The following ATG7 variants were observed in gnomAD, a reference collection of about 807,000 sequenced individuals.
ATG7 encodes the protein autophagy related 7, also known as ubiquitin-like modifier-activating enzyme ATG7.
In ATG7, 70 loss-of-function variants were observed where a neutral mutation model predicts 82.4. That is an observed-to-expected ratio of 0.85 (90% confidence interval 0.70 to 1.04). The LOEUF (loss-of-function observed/expected upper bound fraction) is 1.04, where lower values mean the gene tolerates loss of function less well. Among genes scored for constraint, ATG7 ranks in the 50% least tolerant of loss-of-function variants. The pLI is 0.00. For missense variants in ATG7, 792 were observed against 864.3 expected, an observed-to-expected ratio of 0.92 and a Z score of 1.05; for synonymous variants, 287 against 313.0, an observed-to-expected ratio of 0.92 and a Z score of 0.88.
At chr3:11,341,690 C>T (rs1042716934) in intron 12 of ATG7, among the ~76,000 whole-genome samples, 3 of 152,176 alleles carry the variant, frequency 2.0e-5, no homozygotes, top group South Asian at 4.2e-4. Flanking sequence ...TCAGGTGATC[C>T]GCCCGCTTTG....
intron 20 of ATG7, among the ~76,000 whole-genome samples, chr3:11,442,739 C>CCAAAAAAAAAAAAAAAAAAAAAAAAAAA (rs1553668928): frequency 1.4e-5 from 1 of 69,236 alleles, no homozygotes; most frequent in Non-Finnish European, 2.5e-5. Context: ...TCCATCTCTA[C>CCAAAAAAAAAAAAAAAAAAAAAAAAAAA]AAAAAAAAAA....
At chr3:11,287,507 G>C (rs1944284919) in intron 3 of ATG7, among the ~76,000 whole-genome samples, 1 of 152,228 alleles carries the variant, frequency 6.6e-6, no homozygotes, top group Admixed American at 6.5e-5. Context: ...GGTAGAACTA[G>C]AAAAGTCGGA....
intron 20 of ATG7, among the ~76,000 whole-genome samples, chr3:11,447,430 G>A (rs1425855598): frequency 6.6e-6 from 1 of 150,776 alleles, no homozygotes; most frequent in Non-Finnish European, 1.5e-5. Flanking sequence ...TCACACCATT[G>A]CACTCCAGCC....
the ATG7 span, chr3:11,568,571 CTGGT>C: frequency 1.7e-5 from 26 of 1,554,802 alleles, 1 homozygote; most frequent in Middle Eastern, 3.3e-4. This position sits in a 1 kb window ranked among gnomAD's most constrained non-coding sequence, Gnocchi z 5.9. Flanking sequence ...GGAGAACTGG[CTGGT>C]TAATTTTAGT....
At chr3:11,290,545 G>C (rs1437975204) in intron 3 of ATG7, 1 of 370,856 alleles carries the variant, frequency 2.7e-6, no homozygotes, top group Non-Finnish European at 5.4e-6. Flanking sequence ...TTCTCCTCCA[G>C]GTAGCTGTCA....
At chr3:11,315,203 ACTT>A in intron 8 of ATG7, 138 bp from the exon 9 acceptor site, 2 of 711,862 alleles carry the variant, frequency 2.8e-6, no homozygotes, top group Non-Finnish European at 4.1e-6. Flanking sequence ...TTCTATGTTC[ACTT>A]GCTGTAATAG....
chr3:11,500,551 A>G (rs2091245587), intron 20 of ATG7, among the ~76,000 whole-genome samples: 1 of 152,240 alleles, frequency 6.6e-6, no homozygotes, highest in African/African-American at 2.4e-5. Flanking sequence ...TCAAAACCAA[A>G]ATTCTAGGCC....
chr3:11,464,931 CTT>C (rs2086674964), intron 20 of ATG7, among the ~76,000 whole-genome samples: 1 of 152,146 alleles, frequency 6.6e-6, no homozygotes, highest in Non-Finnish European at 1.5e-5. Flanking sequence ...ATTTGAAGCA[CTT>C]TGCACAGTTC....
At chr3:11,290,993 C>G (rs929678766) in intron 3 of ATG7, among the ~76,000 whole-genome samples, 1 of 152,104 alleles carries the variant, frequency 6.6e-6, no homozygotes, top group African/African-American at 2.4e-5. Flanking sequence ...TGTCTGTTAT[C>G]TTTTAAGTAG....
intron 20 of ATG7, among the ~76,000 whole-genome samples, chr3:11,540,907 T>TGTGTG (rs2070757520): frequency 2.9e-5 from 1 of 35,006 alleles, no homozygotes; most frequent in Non-Finnish European, 7.4e-5. Context: ...TAGCTTTTTT[T>TGTGTG]GGGGGGGGGA....
At chr3:11,329,400 C>T (rs1331862692) in intron 9 of ATG7, among the ~76,000 whole-genome samples, 1 of 152,182 alleles carries the variant, frequency 6.6e-6, no homozygotes, top group Non-Finnish European at 1.5e-5. Flanking sequence ...GCCGTGTTTT[C>T]ATTTAACCCA....
intron 1 of ATG7, among the ~76,000 whole-genome samples, chr3:11,273,125 G>A (rs1011566326): frequency 6.6e-6 from 1 of 152,212 alleles, no homozygotes; most frequent in Non-Finnish European, 1.5e-5. Context: ...GGCGACTGAT[G>A]CCATTTTTTA....
In ATG7 at chr3:11,544,109, C is replaced by T. The variant is rs573642217; in HGVS notation, c.2080-10702C>T. Among the ~76,000 whole-genome samples the T allele has an allele frequency of 1.4e-3, 219 of 152,370 alleles. 2 individuals are homozygous for T. Among genetic ancestry groups the T allele is most frequent in the Non-Finnish European group, 5.4e-4 (37 of 68,038 alleles). On this transcript the variant is annotated intron_variant, in intron 20 of 20. Transcript: ENST00000693202. The stretch of plus-strand genomic sequence containing the variant: ...AGCAGTCTGAAGCAGTCACACCGGC[C>T]ATCCTTGGCCCAGGGGTGAAGGGAT...
chr3:11,542,089 A>G (rs1321881834), intron 20 of ATG7, among the ~76,000 whole-genome samples: 1 of 152,262 alleles, frequency 6.6e-6, no homozygotes, highest in Non-Finnish European at 1.5e-5. Flanking sequence ...AGCACTGGAC[A>G]GCATACCCCG....
intron 20 of ATG7, among the ~76,000 whole-genome samples, chr3:11,452,546 A>G (rs1237839149): frequency 6.6e-6 from 1 of 152,182 alleles, no homozygotes; most frequent in Non-Finnish European, 1.5e-5. Flanking sequence ...AATGAACAAG[A>G]AAGTAAAACC....
intron 20 of ATG7, among the ~76,000 whole-genome samples, chr3:11,485,666 T>C (rs1237307458): frequency 1.3e-5 from 2 of 152,254 alleles, no homozygotes; most frequent in African/African-American, 4.8e-5. Context: ...AGGGTTTTTA[T>C]GGTTTTAGGT....
chr3:11,311,803 A>G (rs896209690), intron 7 of ATG7, among the ~76,000 whole-genome samples: 1 of 151,976 alleles, frequency 6.6e-6, no homozygotes, highest in Non-Finnish European at 1.5e-5. Context: ...TCATTTTGCC[A>G]TTGTGAAGAG....
chr3:11,557,495 A>T lies in ATG7; in HGVS notation c.*2652A>T, dbSNP rs1490432751. On this transcript the variant is annotated 3_prime_UTR_variant, in exon 21 of 21. Coordinates refer to ENST00000693202, the MANE Select transcript of ATG7 (RefSeq NM_001349232.2). ...TGTCAGCCTGCAGCCAAACTCCAGC[A>T]TCCCACACCGCAGCTGACCCACTGC... The T allele has an allele frequency of 6.6e-6, 1 of 152,520 alleles. No homozygotes were observed. Among genetic ancestry groups the T allele is most frequent in the Non-Finnish European group, 1.5e-5 (1 of 68,030 alleles). 9.4% of individuals were successfully genotyped at this position (152,520 alleles called of 1,614,324 possible).
At chr3:11,562,766 C>T in the ATG7 span, among the ~76,000 whole-genome samples, 25 of 152,358 alleles carry the variant, frequency 1.6e-4, no homozygotes, top group South Asian at 2.9e-3. Flanking sequence ...ATGACAGCTC[C>T]GGTCAGGGCC....
Sources: allele counts gnomAD v4.1 joint callset (sites outside exome capture counted in the v4.1 genomes callset), GRCh38; gene constraint gnomAD v4.1.1; non-coding constraint Gnocchi (gnomAD v3.1); transcripts MANE v1.5; gene names NCBI Gene and HGNC (gene_info 2026-07-23, HGNC 2026-07-21).